GSN: variants seen among roughly 807,000 people sequenced by gnomAD.
The protein encoded by GSN is actin-depolymerizing factor.
A neutral mutation model predicts 85.7 loss-of-function variants in GSN; 56 were observed. That is an observed-to-expected ratio of 0.65 (90% confidence interval 0.53 to 0.82). The LOEUF (loss-of-function observed/expected upper bound fraction) is 0.82, where lower values mean the gene tolerates loss of function less well. GSN is among the 40% of genes least tolerant of loss of function. The pLI is 0.00. For synonymous variants in GSN, 373 were observed against 399.1 expected, an observed-to-expected ratio of 0.93 and a Z score of 0.78; for missense variants, 857 against 979.8, an observed-to-expected ratio of 0.87 and a Z score of 1.67.
At chr9:121,216,485 G>T (rs2054066640) in intron 4 of GSN, among the ~76,000 whole-genome samples, 1 of 152,188 alleles carries the variant, frequency 6.6e-6, no homozygotes. Flanking sequence ...CACTGGCCAA[G>T]ACTTTGCTTG....
chr9:121,208,540 G>C (rs2053920050), intron 1 of GSN, among the ~76,000 whole-genome samples: 1 of 152,196 alleles, frequency 6.6e-6, no homozygotes, highest in South Asian at 2.1e-4. Flanking sequence ...TTATGGCACT[G>C]CCACCCCCAA....
intron 4 of GSN, among the ~76,000 whole-genome samples, chr9:121,211,311 A>G (rs1236278339): frequency 1.3e-5 from 2 of 152,234 alleles, no homozygotes; most frequent in Non-Finnish European, 2.9e-5. Context: ...AGTGGCTAAA[A>G]TGGTAAATTT....
chr9:121,248,352 C>G (rs2054745108), intron 6 of GSN: 1 of 152,268 alleles, frequency 6.6e-6, no homozygotes, highest in Non-Finnish European at 1.5e-5. Context: ...AAGCCCTTGT[C>G]TCTTTCCTTA....
chr9:121,271,512 G>A (rs2055954207), intron 1 of GSN, among the ~76,000 whole-genome samples: 2 of 152,288 alleles, frequency 1.3e-5, no homozygotes, highest in South Asian at 2.1e-4. Flanking sequence ...AACATGCCCC[G>A]GGTTGTGTGG....
Position 121,304,689 on chromosome 9 carries a change from G to A in GSN, c.351+1624G>A, listed in dbSNP as rs868867832. 3.9e-5 allele frequency among the ~76,000 whole-genome samples: 6 copies of A among 152,222 alleles called. No homozygotes were observed. In the South Asian group the frequency reaches 1.2e-3, roughly 32 times the overall value. On this transcript the variant is annotated intron_variant, in intron 4 of 17. Coordinates refer to ENST00000432226, the MANE Select transcript of GSN (RefSeq NM_198252.3). ...TGGCAGATATGGTACTGGGAATGTA[G>A]GTTATCTCGTTTCAGCCTCACAACT...
intron 4 of GSN, among the ~76,000 whole-genome samples, chr9:121,213,832 G>T (rs560329040): frequency 1.3e-4 from 20 of 152,230 alleles, no homozygotes; most frequent in African/African-American, 4.6e-4. Flanking sequence ...ACACCCAGCT[G>T]CCTTCTTTCC....
At chr9:121,204,635 T>A (rs1013176935), upstream of GSN, among the ~76,000 whole-genome samples, 4 of 152,206 alleles carry the variant, frequency 2.6e-5, no homozygotes, top group Admixed American at 2.0e-4. Context: ...TTAACTTTTT[T>A]AAAAAGTTGT....
chr9:121,315,151 G>A (rs527915072), intron 7 of GSN, among the ~76,000 whole-genome samples: 2 of 152,192 alleles, frequency 1.3e-5, no homozygotes, highest in Admixed American at 1.3e-4. Context: ...CTGAGCCAAC[G>A]CTCCCGGCCA....
At chr9:121,254,428 C>T (rs570206640) in intron 6 of GSN, among the ~76,000 whole-genome samples, 1 of 152,316 alleles carries the variant, frequency 6.6e-6, no homozygotes, top group Non-Finnish European at 1.5e-5. Flanking sequence ...CTTCCCTTTT[C>T]TCTCTCCCAA....
chr9:121,268,886 A>G (rs1385895089), intron 1 of GSN, among the ~76,000 whole-genome samples: 1 of 152,038 alleles, frequency 6.6e-6, no homozygotes, highest in Non-Finnish European at 1.5e-5. Context: ...GCCCCCCAGA[A>G]CCTAAATAAC....
intron 4 of GSN, among the ~76,000 whole-genome samples, chr9:121,216,609 T>C (rs1363624568): frequency 6.6e-6 from 1 of 152,212 alleles, no homozygotes; most frequent in Non-Finnish European, 1.5e-5. Flanking sequence ...TGCCAGGCCT[T>C]GTAATATCCT....
chr9:121,331,582 C>T (rs1177246222), intron 17 of GSN, 134 bp downstream of exon 17: 1 of 646,282 alleles, frequency 1.5e-6, no homozygotes, highest in Non-Finnish European at 2.8e-6. Flanking sequence ...GGACTTCCTC[C>T]TCTGTGGGCC....
chr9:121,221,433 C>A (rs796886245), intron 4 of GSN, among the ~76,000 whole-genome samples: 7 of 152,356 alleles, frequency 4.6e-5, no homozygotes, highest in African/African-American at 1.4e-4. Flanking sequence ...CTCCTCCCTG[C>A]TCTAAGTGAA....
intron 1 of GSN, among the ~76,000 whole-genome samples, chr9:121,271,988 C>T (rs2056044559): frequency 6.6e-6 from 1 of 152,196 alleles, no homozygotes; most frequent in African/African-American, 2.4e-5. Context: ...GAGAAAATGC[C>T]AGCAGAAGCA....
chr9:121,212,193 T>C (rs12338918), intron 4 of GSN, among the ~76,000 whole-genome samples: 17,396 of 152,148 alleles, frequency 0.11, 2,026 homozygotes, highest in African/African-American at 0.28. Flanking sequence ...CCAGCAGCTA[T>C]ACAAGCAAGC....
rs552906325 is a variant in GSN at position 121,299,666 on chromosome 9, G to A, written c.-9-2297G>A. 3.6e-4 allele frequency: 246 copies of A among 675,836 alleles called. 1 individual carries two copies. The African/African-American group carries it at 4.3e-3, about 12-fold the overall frequency. 41.9% of individuals were successfully genotyped at this position (675,836 alleles called of 1,614,324 possible). A position where few individuals can be genotyped will look rare whatever the true frequency, so the allele number is the denominator to read the frequency against. On this transcript the variant is annotated intron_variant, in intron 2 of 17. Transcript: ENST00000432226. The surrounding 1 kb of genome is among the most constrained non-coding windows in gnomAD (Gnocchi z 4.2). ...GGTGCTGGGTCTCCGCCCCGGAGCT[G>A]GGGTGCAGGGGCTGCCGCGCCCTGT...
intron 4 of GSN, among the ~76,000 whole-genome samples, chr9:121,212,707 G>C (rs1041026074): frequency 2.0e-5 from 3 of 149,798 alleles, no homozygotes; most frequent in African/African-American, 7.4e-5. Context: ...GCAGTGGTGT[G>C]ATCTCTACTC....
upstream of GSN, among the ~76,000 whole-genome samples, chr9:121,266,951 G>A (rs1156462389): frequency 6.6e-6 from 1 of 152,204 alleles, no homozygotes; most frequent in Admixed American, 6.5e-5. Context: ...CTGTGCTCTT[G>A]GCTTCTGTGC....
At chr9:121,312,573 T>G in intron 6 of GSN, 85 bp downstream of exon 6, 5 of 1,090,356 alleles carry the variant, frequency 4.6e-6, no homozygotes, top group Non-Finnish European at 3.8e-6. Flanking sequence ...TGAGGTGAAT[T>G]TGAGGAAAAA....
Sources: allele counts gnomAD v4.1 joint callset (sites outside exome capture counted in the v4.1 genomes callset), GRCh38; gene constraint gnomAD v4.1.1; non-coding constraint Gnocchi (gnomAD v3.1); transcripts MANE v1.5; gene names NCBI Gene and HGNC (gene_info 2026-07-23, HGNC 2026-07-21).